The following CEACAM20 variants were observed in gnomAD, a reference collection of about 807,000 sequenced individuals.
CEACAM20 encodes the protein cell adhesion molecule CEACAM20.
In CEACAM20, 50 loss-of-function variants were observed where a neutral mutation model predicts 61.2. The ratio of observed to expected loss-of-function variants is 0.82; its 90% CI spans 0.65 to 1.03. The LOEUF is 1.03. Ranked by LOEUF, CEACAM20 falls within the 50% of genes least tolerant of loss-of-function variation. The pLI, the probability that CEACAM20 is intolerant of heterozygous loss-of-function variation, is 0.00. For synonymous variants in CEACAM20, 282 were observed against 287.7 expected (o/e 0.98, Z 0.20); for missense variants, 683 against 736.4 (o/e 0.93, Z 0.84).
intron 1 of CEACAM20, 35 bp downstream of exon 1, chr19:44,529,423 C>T (rs1304272000): frequency 1.9e-6 from 3 of 1,597,314 alleles, no homozygotes; most frequent in African/African-American, 1.4e-5. Flanking sequence ...ATACAACCTC[C>T]CTCCTCCCGC....
Position 44,517,242 on chromosome 19 carries a change from C to A in CEACAM20, c.1031-18G>T, listed in dbSNP as rs372540138. 15 of 1,597,534 alleles carry A rather than the reference C, an allele frequency of 9.4e-6. No homozygotes were observed. Among genetic ancestry groups the A allele is most frequent in the Middle Eastern group, 1.7e-4 (1 of 6,040 alleles). On this transcript the variant is annotated intron_variant, in intron 5 of 11. Transcript: ENST00000614924. ...AGGACCATCTGTGTGTAAAGCCAAA[C>A]GTGATGCACCCTGGCCCCCATCAGC... is the stretch of plus-strand genomic sequence containing the variant.
intron 11 of CEACAM20, among the ~76,000 whole-genome samples, chr19:44,509,191 TGAAAAG>T (rs1260061384): frequency 1.3e-5 from 2 of 149,704 alleles, no homozygotes; most frequent in South Asian, 2.1e-4. Flanking sequence ...AGAAATTAAA[TGAAAAG>T]GAAAATTGTA....
At chr19:44,522,984 G>A (rs1971416113) in intron 3 of CEACAM20, 72 bp from the exon 4 acceptor site, 1 of 1,288,014 alleles carries the variant, frequency 7.8e-7, no homozygotes, top group South Asian at 1.4e-5. Context: ...GTCTTTAACG[G>A]ATCAATAAAT....
intron 11 of CEACAM20, among the ~76,000 whole-genome samples, chr19:44,510,142 T>G (rs949622506): frequency 6.7e-6 from 1 of 148,256 alleles, no homozygotes. Context: ...AGGAAAAGAA[T>G]GAAAAGGAAT....
chr19:44,517,823 C>T (rs1320087814), intron 5 of CEACAM20, among the ~76,000 whole-genome samples: 1 of 151,918 alleles, frequency 6.6e-6, no homozygotes, highest in Non-Finnish European at 1.5e-5. Context: ...AATCTTAGCA[C>T]TCTGGGAAGC....
intron 3 of CEACAM20, 68 bp downstream of exon 3, chr19:44,523,918 T>G: frequency 6.8e-7 from 1 of 1,470,074 alleles, no homozygotes; most frequent in Non-Finnish European, 9.1e-7. Context: ...TTTCAAGCTG[T>G]GAGACTGAAC....
At chr19:44,515,139 C>T (rs1349203985) in intron 6 of CEACAM20, among the ~76,000 whole-genome samples, 1 of 151,982 alleles carries the variant, frequency 6.6e-6, no homozygotes, top group African/African-American at 2.4e-5. Context: ...TGCCCGGCCT[C>T]TATAGACTTT....
chr19:44,513,932 T>C (rs1971083170), intron 6 of CEACAM20, among the ~76,000 whole-genome samples: 1 of 152,208 alleles, frequency 6.6e-6, no homozygotes, highest in African/African-American at 2.4e-5. Context: ...TTTCTATATA[T>C]ATAGTGTTTG....
chr19:44,515,974 A>G (rs1971142565), intron 6 of CEACAM20, among the ~76,000 whole-genome samples: 1 of 152,172 alleles, frequency 6.6e-6, no homozygotes, highest in African/African-American at 2.4e-5. Flanking sequence ...AACAAACACA[A>G]TATGCCAAGC....
intron 4 of CEACAM20, among the ~76,000 whole-genome samples, chr19:44,522,383 G>A (rs775146577): frequency 2.6e-5 from 4 of 152,022 alleles, no homozygotes; most frequent in Non-Finnish European, 1.5e-5. Flanking sequence ...GATTACAGGC[G>A]TGAGCCACTG....
chr19:44,529,634 ACT>A lies in CEACAM20; in HGVS notation c.-127_-126del, dbSNP rs1207673942. The A allele has an allele frequency of 2.8e-6, 2 of 713,170 alleles. No individual in the cohort carries two copies. The highest frequency in any genetic ancestry group is 2.4e-6 in the Non-Finnish European group (1 of 413,040). The allele number at this position is 713,170 out of a possible 1,614,324, so 44.2% of individuals were successfully genotyped here. On this transcript the variant is annotated 5_prime_UTR_variant, in exon 1 of 12. Transcript: ENST00000614924. ...TCTCTCCTCTCCCACCCTGCTACAAACTCACACACACACTGCAGTAACTGCAG... is the reference window on the plus strand; with the variant it reads ...TCTCTCCTCTCCCACCCTGCTACAAACACACACACACTGCAGTAACTGCAG...
At chr19:44,513,140 T>TC in intron 7 of CEACAM20, 32 bp downstream of exon 7, 2 of 1,543,076 alleles carry the variant, frequency 1.3e-6, no homozygotes, top group Non-Finnish European at 1.8e-6. Flanking sequence ...CACATCCCCA[T>TC]CCCCATCCCC....
At chr19:44,518,091 AAAGAAAGAAAGAAAGGAAGGAAGG>A (rs1404101556) in intron 5 of CEACAM20, among the ~76,000 whole-genome samples, 11 of 106,270 alleles carry the variant, frequency 1.0e-4, no homozygotes, top group Admixed American at 3.8e-4. Context: ...GGAAAGAAAG[AAAGAAAGAAAGAAAGGAAGGAAGG>A]AAGGAAGGAA....
chr19:44,516,330 A>G (rs1337161831), intron 6 of CEACAM20, among the ~76,000 whole-genome samples: 2 of 152,154 alleles, frequency 1.3e-5, no homozygotes, highest in South Asian at 2.1e-4. Context: ...TCACGATATG[A>G]TTTGGCTGTG....
chr19:44,521,690 G>A (rs1331427439), intron 4 of CEACAM20, among the ~76,000 whole-genome samples: 1 of 151,926 alleles, frequency 6.6e-6, no homozygotes, highest in African/African-American at 2.4e-5. Flanking sequence ...ACTTTGTGAT[G>A]AGTGAGTTGT....
intron 11 of CEACAM20, 38 bp from the exon 12 acceptor site, chr19:44,506,252 G>A: frequency 2.5e-6 from 4 of 1,588,946 alleles, no homozygotes; most frequent in African/African-American, 1.3e-5. Flanking sequence ...CCATTTGCTA[G>A]GTGGACCCTC....
At chr19:44,517,327 C>T in intron 5 of CEACAM20, 103 bp from the exon 6 acceptor site, 2 of 1,391,824 alleles carry the variant, frequency 1.4e-6, no homozygotes, top group Non-Finnish European at 2.0e-6. Context: ...ATAAACAGAA[C>T]ATACTCCCTT....
At chr19:44,524,763 T>G (rs967049280) in intron 2 of CEACAM20, among the ~76,000 whole-genome samples, 1 of 152,006 alleles carries the variant, frequency 6.6e-6, no homozygotes, top group African/African-American at 2.4e-5. Context: ...GTTTTTTTTG[T>G]ACACATGGGG....
chr19:44,516,916 C>G, intron 6 of CEACAM20, 30 bp downstream of exon 6: 1 of 1,574,532 alleles, frequency 6.4e-7, no homozygotes, highest in Non-Finnish European at 8.6e-7. Context: ...CCCCTCGGGT[C>G]CTGGGAGAAG....
Sources: allele counts gnomAD v4.1 joint callset (sites outside exome capture counted in the v4.1 genomes callset), GRCh38; gene constraint gnomAD v4.1.1; transcripts MANE v1.5; gene names NCBI Gene and HGNC (gene_info 2026-07-23, HGNC 2026-07-21).